The following ADAMTS19 variants were observed in gnomAD, a reference collection of about 807,000 sequenced individuals.
ADAMTS19 encodes ADAM metallopeptidase with thrombospondin type 1 motif 19.
ADAMTS19 carries 93 observed loss-of-function variants against 153.3 expected under a neutral mutation model. That is an observed-to-expected ratio of 0.61 (90% confidence interval 0.51 to 0.72). ADAMTS19 has a LOEUF of 0.72. Among genes scored for constraint, ADAMTS19 ranks in the 30% least tolerant of loss-of-function variants. The pLI is 0.00. For missense variants in ADAMTS19, 1,482 were observed against 1,552.1 expected (o/e 0.95, Z 0.76); for synonymous variants, 600 against 556.6 (o/e 1.08, Z -1.10).
At chr5:129,631,933 A>C (rs1473808111) in intron 10 of ADAMTS19, among the ~76,000 whole-genome samples, 1 of 151,898 alleles carries the variant, frequency 6.6e-6, no homozygotes, top group African/African-American at 2.4e-5. Flanking sequence ...ATTTACTTTT[A>C]TATTATTTGA....
chr5:129,681,842 G>A (rs768697380), intron 17 of ADAMTS19, among the ~76,000 whole-genome samples: 65 of 152,214 alleles, frequency 4.3e-4, no homozygotes, highest in Non-Finnish European at 8.1e-4. Flanking sequence ...GCCATCTAGC[G>A]AGAGAAAATA....
At chr5:129,648,742 A>T (rs1753179880) in intron 12 of ADAMTS19, 56 bp from the exon 13 acceptor site, 1 of 1,447,116 alleles carries the variant, frequency 6.9e-7, no homozygotes, top group East Asian at 2.3e-5. Context: ...TTAATTTAAA[A>T]CCTAGGTAGT....
intron 7 of ADAMTS19, among the ~76,000 whole-genome samples, chr5:129,589,089 C>A (rs1229047107): frequency 6.6e-6 from 1 of 151,764 alleles, no homozygotes; most frequent in African/African-American, 2.4e-5. Flanking sequence ...TGAGTCTGAA[C>A]AATAGTAGAG....
At position 129,537,098 on chromosome 5, in the gene ADAMTS19, A is replaced by G. The variant is rs1438785789; in HGVS notation, c.1328+8421A>G. On this transcript the variant is annotated intron_variant, in intron 6 of 22. Transcript: ENST00000274487. The stretch of plus-strand genomic sequence containing the variant: ...AAAGAAAAAAGAAAAAAACAACCCC[A>G]TCAAAAAGTGGGTGAAGGATATTAA... 2.6e-5 allele frequency among the ~76,000 whole-genome samples: 4 copies of G among 152,192 alleles called. No homozygotes were observed. In the East Asian group the frequency reaches 5.8e-4, roughly 22 times the overall value.
At chr5:129,593,201 G>A (rs1750226073) in intron 7 of ADAMTS19, among the ~76,000 whole-genome samples, 1 of 152,094 alleles carries the variant, frequency 6.6e-6, no homozygotes, top group South Asian at 2.1e-4. Context: ...AAATCTCTCT[G>A]ATCCTGAAGT....
intron 4 of ADAMTS19, 94 bp from the exon 5 acceptor site, chr5:129,527,654 C>G: frequency 3.4e-6 from 1 of 294,990 alleles, no homozygotes; most frequent in Non-Finnish European, 6.5e-6. Context: ...AAAGATGTCT[C>G]AACTAAATTG....
At chr5:129,636,010 C>T (rs1458236873) in intron 10 of ADAMTS19, among the ~76,000 whole-genome samples, 1 of 152,226 alleles carries the variant, frequency 6.6e-6, no homozygotes, top group South Asian at 2.1e-4. Context: ...AATTCTCTTT[C>T]CCCAGCCTCC....
At chr5:129,631,432 G>T (rs1484606555) in intron 10 of ADAMTS19, among the ~76,000 whole-genome samples, 1 of 151,876 alleles carries the variant, frequency 6.6e-6, no homozygotes, top group Non-Finnish European at 1.5e-5. Context: ...AATTGCTAAA[G>T]TGGGGAATTT....
intron 7 of ADAMTS19, among the ~76,000 whole-genome samples, chr5:129,563,355 T>A (rs1160986274): frequency 6.6e-6 from 1 of 152,214 alleles, no homozygotes; most frequent in East Asian, 1.9e-4. Flanking sequence ...CTTATTAGTT[T>A]AATATATTAC....
At chr5:129,618,959 T>A (rs1036216796) in intron 8 of ADAMTS19, among the ~76,000 whole-genome samples, 1 of 152,052 alleles carries the variant, frequency 6.6e-6, no homozygotes, top group African/African-American at 2.4e-5. Context: ...CTCAAGAATT[T>A]GGAGAGTGAA....
intron 20 of ADAMTS19, among the ~76,000 whole-genome samples, chr5:129,702,944 ATATATATATAT>A (rs1561658802): frequency 0.035 from 770 of 21,882 alleles, 35 homozygotes; most frequent in African/African-American, 0.067. Context: ...AAAAAAAAAT[ATATATATATAT>A]ATATATATAT....
intron 16 of ADAMTS19, among the ~76,000 whole-genome samples, chr5:129,677,966 C>T (rs1211282741): frequency 6.6e-6 from 1 of 152,082 alleles, no homozygotes; most frequent in East Asian, 1.9e-4. Context: ...GCGGGCACCA[C>T]CATACCTAGC....
intron 3 of ADAMTS19, among the ~76,000 whole-genome samples, chr5:129,520,837 G>A (rs931613552): frequency 1.3e-5 from 2 of 151,940 alleles, no homozygotes; most frequent in East Asian, 1.9e-4. Context: ...GAAGCTCATC[G>A]CTCAGGACCC....
intron 8 of ADAMTS19, among the ~76,000 whole-genome samples, chr5:129,610,827 A>C (rs1751174668): frequency 6.6e-6 from 1 of 152,166 alleles, no homozygotes; most frequent in Non-Finnish European, 1.5e-5. Flanking sequence ...GCTGGGTCAA[A>C]TGGTATTTCT....
intron 3 of ADAMTS19, among the ~76,000 whole-genome samples, chr5:129,517,917 A>G (rs902565041): frequency 2.0e-5 from 3 of 152,056 alleles, no homozygotes; most frequent in Admixed American, 6.6e-5. Flanking sequence ...CTCTGATTAT[A>G]TGATTTAGTT....
intron 3 of ADAMTS19, among the ~76,000 whole-genome samples, chr5:129,515,859 T>G (rs1263232255): frequency 6.6e-6 from 1 of 152,000 alleles, no homozygotes; most frequent in Non-Finnish European, 1.5e-5. Context: ...ATCCTTGTAG[T>G]GTTACCGATT....
chr5:129,490,169 G>A lies in ADAMTS19; in HGVS notation c.748-18908G>A, dbSNP rs186175289. Among the ~76,000 whole-genome samples, 285 of 152,294 alleles carry A rather than the reference G, an allele frequency of 1.9e-3. 1 individual carries two copies. Among genetic ancestry groups the A allele is most frequent in the Non-Finnish European group, 3.6e-3 (246 of 68,022 alleles). On this transcript the variant is annotated intron_variant, in intron 2 of 22. Transcript: ENST00000274487. ...TTGGTTGGCTGAGCAGTTGAATGAAGTTTTGTCACTACAGTTCTCCTCCCA... is the reference window on the plus strand; with the variant it reads ...TTGGTTGGCTGAGCAGTTGAATGAAATTTTGTCACTACAGTTCTCCTCCCA...
chr5:129,552,518 C>T lies in ADAMTS19; in HGVS notation c.1372+611C>T, dbSNP rs988117146. ...TATAAATGTATCTATCCAAAGATAC[C>T]CCAGTCTTTATATATAAATATATAT... On this transcript the variant is annotated intron_variant, in intron 7 of 22. Transcript: ENST00000274487. Among the ~76,000 whole-genome samples the T allele has an allele frequency of 2.7e-5, 4 of 150,752 alleles. No homozygotes were observed. The East Asian group carries it at 7.8e-4, about 29-fold the overall frequency.
rs1749639185 is a variant in ADAMTS19 at position 129,461,177 on chromosome 5, C to T, written c.167C>T (p.Pro56Leu). ...PALWRREPVD[P>L]AGGSGGSADP... is the part of the protein sequence containing the mutation. ...CTCTGGCGCCGGGAGCCGGTGGACCCGGCTGGCGGCAGCGGGGGCAGCGCG... is the reference window on the plus strand; with the variant it reads ...CTCTGGCGCCGGGAGCCGGTGGACCTGGCTGGCGGCAGCGGGGGCAGCGCG... The change falls in exon 2 of 23, where the codon CCG (proline) becomes CTG (leucine). Residue 56 changes from proline to leucine, a missense_variant. Pro to Leu is a moderately conservative substitution (Grantham distance 98). Transcript: ENST00000274487. The surrounding 1 kb of genome is among the most constrained non-coding windows in gnomAD (Gnocchi z 4.6). 3 of 1,371,274 alleles carry T rather than the reference C, an allele frequency of 2.2e-6. No homozygotes were observed. Among genetic ancestry groups the T allele is most frequent in the Non-Finnish European group, 1.9e-6 (2 of 1,059,678 alleles). 84.9% of individuals were successfully genotyped at this position (1,371,274 alleles called of 1,614,324 possible). A position where few individuals can be genotyped will look rare whatever the true frequency, so the allele number is the denominator to read the frequency against.
Sources: allele counts gnomAD v4.1 joint callset (sites outside exome capture counted in the v4.1 genomes callset), GRCh38; gene constraint gnomAD v4.1.1; non-coding constraint Gnocchi (gnomAD v3.1); transcripts MANE v1.5; gene names NCBI Gene and HGNC (gene_info 2026-07-23, HGNC 2026-07-21).